HDAC7: variants seen among roughly 807,000 people sequenced by gnomAD.
HDAC7 encodes the protein histone deacetylase 7.
In HDAC7, 26 loss-of-function variants were observed where a neutral mutation model predicts 115.5. The observed-to-expected ratio is 0.23, with a 90% confidence interval of 0.16 to 0.31. The LOEUF is 0.31. HDAC7 is among the 10% of genes least tolerant of loss of function. The pLI is 1.00. For missense variants in HDAC7, 1,068 were observed against 1,329.0 expected, an observed-to-expected ratio of 0.80 and a Z score of 3.05; for synonymous variants, 564 against 550.9, an observed-to-expected ratio of 1.02 and a Z score of -0.33.
chr12:47,791,817 C>T, intron 14 of HDAC7, 54 bp downstream of exon 14: 2 of 1,571,754 alleles, frequency 1.3e-6, no homozygotes, highest in Non-Finnish European at 1.7e-6. Flanking sequence ...CACCCCTCCC[C>T]TCCCATGACT....
In HDAC7 at chr12:47,793,496, G is replaced by A. The variant is rs909686672; in HGVS notation, c.1551C>T (p.His517=). The A allele has an allele frequency of 5.2e-6, 8 of 1,549,956 alleles. No individual in the cohort carries two copies. The highest frequency in any genetic ancestry group is 7.0e-6 in the Non-Finnish European group (8 of 1,147,362). The stretch of plus-strand genomic sequence containing the variant: ...AAGACTGAGCCCGGGACAGAGGCCG[G>A]TGCCCACCCTGGGCCAGAGGAAGCA... ...TVLLPLAQGG[H]RPLSRAQSSP... The change falls in exon 13 of 26, where the codon CAC becomes CAT. Residue 517 remains histidine (H), a synonymous_variant. Coordinates refer to ENST00000080059, the MANE Select transcript of HDAC7 (RefSeq NM_015401.5). The surrounding 1 kb of genome is among the most constrained non-coding windows in gnomAD (Gnocchi z 4.5).
chr12:47,798,471 G>A lies in HDAC7; in HGVS notation c.349+91C>T, dbSNP rs1943990531. On this transcript the variant is annotated intron_variant, in intron 4 of 25. Transcript: ENST00000080059. This position sits in a 1 kb window ranked among gnomAD's most constrained non-coding sequence, Gnocchi z 4.3. ...CTCGGCTCAGGCCCAGCTGGCTGCG[G>A]CCCTCCCACCTCACCCCTCACAAGC... The A allele has an allele frequency of 8.4e-7, 1 of 1,186,958 alleles. No individual in the cohort carries two copies. Among genetic ancestry groups the A allele is most frequent in the Non-Finnish European group, 1.2e-6 (1 of 807,702 alleles). 73.5% of individuals were successfully genotyped at this position (1,186,958 alleles called of 1,614,324 possible).
rs1229522968 is a variant in HDAC7, at chr12:47,795,508, A to T, written c.1087+79T>A. ...GGACAGGGGGACAGAGATGGGGAGGAAGGATGGGTCCATCCCAAGCTTGGC... is the reference window on the plus strand; with the variant it reads ...GGACAGGGGGACAGAGATGGGGAGGTAGGATGGGTCCATCCCAAGCTTGGC... On this transcript the variant is annotated intron_variant, in intron 10 of 25. Coordinates refer to ENST00000080059, the MANE Select transcript of HDAC7 (RefSeq NM_015401.5). The surrounding 1 kb of genome is among the most constrained non-coding windows in gnomAD (Gnocchi z 4.3). 2.3e-5 allele frequency: 34 copies of T among 1,460,278 alleles called. No individual in the cohort carries two copies. The East Asian group carries it at 3.5e-4, about 15-fold the overall frequency. 90.5% of individuals were successfully genotyped at this position (1,460,278 alleles called of 1,614,324 possible).
chr12:47,793,162 G>A lies in HDAC7; in HGVS notation c.1678+207C>T. Reference sequence around the variant, plus strand: ...ACTACCACTTGCTATTTGACCACAGGCTTGTCACCTTAGATTTCGTGAGCC... The same window carrying A: ...ACTACCACTTGCTATTTGACCACAGACTTGTCACCTTAGATTTCGTGAGCC... On this transcript the variant is annotated intron_variant, in intron 13 of 25. Coordinates refer to ENST00000080059, the MANE Select transcript of HDAC7 (RefSeq NM_015401.5). This position sits in a 1 kb window ranked among gnomAD's most constrained non-coding sequence, Gnocchi z 4.5. 1 of 517,396 alleles carries A rather than the reference G, an allele frequency of 1.9e-6. No individual in the cohort carries two copies. The highest frequency in any genetic ancestry group is 3.4e-6 in the Non-Finnish European group (1 of 295,842). 32.1% of individuals were successfully genotyped at this position (517,396 alleles called of 1,614,324 possible). A position where few individuals can be genotyped will look rare whatever the true frequency, so the allele number is the denominator to read the frequency against.
At chr12:47,812,711 T>G (rs953779064) in intron 1 of HDAC7, among the ~76,000 whole-genome samples, 1 of 152,058 alleles carries the variant, frequency 6.6e-6, no homozygotes, top group Non-Finnish European at 1.5e-5. Context: ...ATCTGTAGAG[T>G]GCTTTAAGCA....
intron 1 of HDAC7, 156 bp from the exon 2 acceptor site, chr12:47,802,430 C>T: frequency 6.5e-7 from 1 of 1,547,420 alleles, no homozygotes; most frequent in Non-Finnish European, 8.7e-7. Flanking sequence ...AACGAGAAGA[C>T]CCCACCCCAT....
At chr12:47,804,492 G>A (rs576112339) in intron 1 of HDAC7, among the ~76,000 whole-genome samples, 22 of 149,460 alleles carry the variant, frequency 1.5e-4, no homozygotes, top group Admixed American at 3.3e-4. Flanking sequence ...GCCTCTCTCC[G>A]AGGGCTGTTA....
chr12:47,805,149 C>T (rs1441457502), intron 1 of HDAC7, among the ~76,000 whole-genome samples: 2 of 151,772 alleles, frequency 1.3e-5, no homozygotes, highest in African/African-American at 2.4e-5. Flanking sequence ...TGGCTCACTG[C>T]AGCGTTGACC....
chr12:47,788,732 A>G (rs1281108615), intron 19 of HDAC7: 1 of 155,118 alleles, frequency 6.4e-6, no homozygotes, highest in Admixed American at 6.4e-5. Flanking sequence ...GACATAGCTT[A>G]GCAGTTAAAC....
chr12:47,802,819 G>T (rs568131277), intron 1 of HDAC7, among the ~76,000 whole-genome samples: 1 of 152,140 alleles, frequency 6.6e-6, no homozygotes, highest in Non-Finnish European at 1.5e-5. Context: ...TTTCCAGAGT[G>T]GGGGAGGGAC....
rs781549883 is a variant in HDAC7 at position 47,792,008 on chromosome 12, C to T, written c.1679-4G>A. On this transcript the variant is annotated splice_polypyrimidine_tract_variant and splice_region_variant and intron_variant, in intron 13 of 25. Coordinates refer to ENST00000080059, the MANE Select transcript of HDAC7 (RefSeq NM_015401.5). ...ATGACCGAGTCATAGATCAGCCCTG[C>T]AGGAGCAAGGGTCAGAGCGGGGACC... is the stretch of plus-strand genomic sequence containing the variant. The T allele has an allele frequency of 3.7e-6, 6 of 1,602,640 alleles. No individual in the cohort carries two copies. The highest frequency in any genetic ancestry group is 5.1e-6 in the Non-Finnish European group (6 of 1,172,488).
Position 47,797,895 on chromosome 12 carries a change from T to TGTGTGTGTGTGTGAGA in HDAC7, c.461+212_461+213insTCTCACACACACACAC, listed in dbSNP as rs35753431. Among the ~76,000 whole-genome samples, 34 of 143,464 alleles carry TGTGTGTGTGTGTGAGA rather than the reference T, an allele frequency of 2.4e-4. No homozygotes were observed. The highest frequency in any genetic ancestry group is 6.8e-4 in the African/African-American group (25 of 36,510). 94.1% of individuals were successfully genotyped at this position (143,464 alleles called of 152,430 possible). On this transcript the variant is annotated intron_variant, in intron 5 of 25. Coordinates refer to ENST00000080059, the MANE Select transcript of HDAC7 (RefSeq NM_015401.5). This position sits in a 1 kb window ranked among gnomAD's most constrained non-coding sequence, Gnocchi z 5.5. ...GTGTGTGTGTGTGTGTGTGTGTGTG[T>TGTGTGTGTGTGTGAGA]GAGAAGGGCTCAGGTGGGGTGGGGA... is the stretch of plus-strand genomic sequence containing the variant.
chr12:47,807,660 C>G (rs955223618), intron 1 of HDAC7, among the ~76,000 whole-genome samples: 3 of 152,136 alleles, frequency 2.0e-5, no homozygotes, highest in Admixed American at 2.0e-4. Flanking sequence ...TCACACAGCC[C>G]CACAGAGACC....
intron 21 of HDAC7, 53 bp downstream of exon 21, chr12:47,787,659 G>A: frequency 7.6e-7 from 1 of 1,317,818 alleles, no homozygotes; most frequent in Non-Finnish European, 1.1e-6. Flanking sequence ...GTGCTCTTGG[G>A]AGAAGGGACA....
Position 47,793,746 on chromosome 12 carries a change from C to T in HDAC7, c.1459-158G>A, listed in dbSNP as rs1943658213. ...CAGTGGGGCTCTGGCCTTTGACTCT[C>T]TAAGCCCCCTGTCCCCTGCAGCCCC... is the stretch of plus-strand genomic sequence containing the variant. On this transcript the variant is annotated intron_variant, in intron 12 of 25. Coordinates refer to ENST00000080059, the MANE Select transcript of HDAC7 (RefSeq NM_015401.5). The surrounding 1 kb of genome is among the most constrained non-coding windows in gnomAD (Gnocchi z 4.5). 6.6e-6 allele frequency among the ~76,000 whole-genome samples: 1 copy of T among 152,190 alleles called. No individual in the cohort carries two copies. Among genetic ancestry groups the T allele is most frequent in the African/African-American group, 2.4e-5 (1 of 41,456 alleles).
At chr12:47,804,785 C>A (rs1251428227) in intron 1 of HDAC7, among the ~76,000 whole-genome samples, 1 of 152,052 alleles carries the variant, frequency 6.6e-6, no homozygotes, top group Non-Finnish European at 1.5e-5. Context: ...AATAGGTGCA[C>A]CCCAGCCCTC....
Position 47,785,436 on chromosome 12 carries a change from T to G in HDAC7, c.2742A>C (p.Lys914Asn). The change falls in exon 24 of 26, where the codon AAA becomes AAC. Residue 914 changes from lysine (K) to asparagine (N), a missense_variant. Transcript: ENST00000080059. ...DPLSEEGWKQ[K>N]PNLNAIRSLE... is the part of the protein sequence containing the mutation. ...GAGAGCGGATGGCATTGAGGTTGGG[T>G]TTCTGTTTCCAGCCTTCTTCTGAAA... 6.2e-7 allele frequency: 1 copy of G among 1,613,050 alleles called. No individual in the cohort carries two copies. Among genetic ancestry groups the G allele is most frequent in the Non-Finnish European group, 8.5e-7 (1 of 1,179,650 alleles).
Position 47,785,846 on chromosome 12 carries a change from C to T in HDAC7, c.2612G>A (p.Gly871Glu). ...CTCCAAGGCCAGCACCACTGCGCCT[C>T]CTGCCAGGTTCATCAGTTGCTGCGT... ...YMTQQLMNLA[G>E]GAVVLALEGG... The change falls in exon 23 of 26, where the codon GGA becomes GAA. Residue 871 changes from glycine (G) to glutamate (E), a missense_variant. Gly to Glu is a moderately conservative substitution (Grantham distance 98). Coordinates refer to ENST00000080059, the MANE Select transcript of HDAC7 (RefSeq NM_015401.5). 1 of 1,610,324 alleles carries T rather than the reference C, an allele frequency of 6.2e-7. No homozygotes were observed. The highest frequency in any genetic ancestry group is 8.5e-7 in the Non-Finnish European group (1 of 1,178,442).
intron 1 of HDAC7, among the ~76,000 whole-genome samples, chr12:47,809,892 A>C (rs1353096292): frequency 2.6e-5 from 4 of 151,896 alleles, no homozygotes; most frequent in African/African-American, 9.7e-5. Context: ...TTTTAATTGT[A>C]CTATTGCAAG....
Sources: allele counts gnomAD v4.1 joint callset (sites outside exome capture counted in the v4.1 genomes callset), GRCh38; gene constraint gnomAD v4.1.1; non-coding constraint Gnocchi (gnomAD v3.1); transcripts MANE v1.5; gene names NCBI Gene and HGNC (gene_info 2026-07-23, HGNC 2026-07-21).